The following HMGA2 variants were observed in gnomAD, a reference collection of about 807,000 sequenced individuals.
The protein encoded by HMGA2 is high mobility group AT-hook 2.
A neutral mutation model predicts 19.1 loss-of-function variants in HMGA2; 8 were observed. The observed-to-expected ratio is 0.42, with a 90% CI of 0.25 to 0.76. The LOEUF is 0.76. HMGA2 is among the 30% of genes least tolerant of loss of function. HMGA2 has a pLI of 0.28. For synonymous variants in HMGA2, 60 were observed against 48.8 expected, an observed-to-expected ratio of 1.23 and a Z score of -0.96; for missense variants, 109 against 136.3, an observed-to-expected ratio of 0.80 and a Z score of 1.00.
At chr12:65,927,138 C>T (rs1467254790) in intron 3 of HMGA2, among the ~76,000 whole-genome samples, 1 of 152,212 alleles carries the variant, frequency 6.6e-6, no homozygotes, top group Admixed American at 6.5e-5. Context: ...CATTTTCAAA[C>T]TGAGTTCCAG....
chr12:65,846,147 A>G (rs1871226488), intron 3 of HMGA2, among the ~76,000 whole-genome samples: 1 of 152,254 alleles, frequency 6.6e-6, no homozygotes, highest in South Asian at 2.1e-4. Flanking sequence ...CAGCCATGAC[A>G]CTGAAATTTG....
intron 3 of HMGA2, among the ~76,000 whole-genome samples, chr12:65,885,698 C>G (rs571639427): frequency 6.6e-6 from 1 of 152,150 alleles, no homozygotes; most frequent in Non-Finnish European, 1.5e-5. Context: ...AGCCATTTGC[C>G]TTTGGTAAAA....
chr12:65,924,487 T>C (rs1369636358), intron 3 of HMGA2, among the ~76,000 whole-genome samples: 1 of 151,810 alleles, frequency 6.6e-6, no homozygotes, highest in Non-Finnish European at 1.5e-5. Context: ...ATCCCTGAAG[T>C]CACTCTAAAT....
chr12:65,861,846 CTTTT>C (rs1346372420), intron 3 of HMGA2, among the ~76,000 whole-genome samples: 1 of 134,168 alleles, frequency 7.5e-6, no homozygotes. Flanking sequence ...CAACATGTTT[CTTTT>C]TTTTTTTTTT....
intron 3 of HMGA2, among the ~76,000 whole-genome samples, chr12:65,940,162 C>T (rs902095885): frequency 1.3e-5 from 2 of 151,824 alleles, no homozygotes; most frequent in African/African-American, 2.4e-5. Flanking sequence ...ATATTTTAGC[C>T]TTCATAGCCT....
chr12:65,847,014 A>T (rs1470970007), intron 3 of HMGA2, among the ~76,000 whole-genome samples: 1 of 152,172 alleles, frequency 6.6e-6, no homozygotes, highest in Admixed American at 6.5e-5. Context: ...AATCCTAATG[A>T]CACACTATTT....
intron 3 of HMGA2, among the ~76,000 whole-genome samples, chr12:65,906,483 C>T (rs1874597606): frequency 6.6e-6 from 1 of 152,156 alleles, no homozygotes; most frequent in African/African-American, 2.4e-5. Flanking sequence ...TATTCATGGG[C>T]TCTGTAGCTT....
In HMGA2 at chr12:65,824,792, A is replaced by T. The variant is rs1011719311; in HGVS notation, c.-479A>T. ...CTCGCAGGGTGGGGGGAAGAGGAGG[A>T]GGAATTCTTTCCCCGCCTAACATTT... On this transcript the variant is annotated 5_prime_UTR_variant, in exon 1 of 5. Transcript: ENST00000403681. 3 of 218,986 alleles carry T rather than the reference A, an allele frequency of 1.4e-5. No homozygotes were observed. Among genetic ancestry groups the T allele is most frequent in the African/African-American group, 7.2e-5 (3 of 41,432 alleles). 13.6% of individuals were successfully genotyped at this position (218,986 alleles called of 1,614,324 possible).
At chr12:65,882,099 G>A (rs1261852344) in intron 3 of HMGA2, 2 of 519,668 alleles carry the variant, frequency 3.8e-6, no homozygotes, top group African/African-American at 1.9e-5. Flanking sequence ...GAAACCCCTG[G>A]CGGCTGTACT....
At chr12:65,828,384 G>GGGA in intron 2 of HMGA2, 2 of 219,158 alleles carry the variant, frequency 9.1e-6, no homozygotes, top group South Asian at 1.4e-4. Context: ...GGGGGGGCGG[G>GGGA]ATGAAAATGA....
rs572825810 is a variant in HMGA2 at position 65,888,817 on chromosome 12, C to T, written c.249+50248C>T. On this transcript the variant is annotated intron_variant, in intron 3 of 4. Transcript: ENST00000403681. ...TGACCTCGTGATCCGCCCGCCTCGGCCTTCCAAAGTGCTGGGATTACAGGT... is the reference window on the plus strand; with the variant it reads ...TGACCTCGTGATCCGCCCGCCTCGGTCTTCCAAAGTGCTGGGATTACAGGT... Among the ~76,000 whole-genome samples the T allele has an allele frequency of 2.7e-5, 4 of 150,512 alleles. No homozygotes were observed. The East Asian group carries it at 8.0e-4, about 30-fold the overall frequency.
intron 3 of HMGA2, among the ~76,000 whole-genome samples, chr12:65,944,800 C>T (rs1229090029): frequency 1.3e-5 from 2 of 152,176 alleles, no homozygotes; most frequent in South Asian, 2.1e-4. Context: ...GCTATGAAGA[C>T]GCTCTGCCTC....
chr12:65,943,118 T>C (rs1251861909), intron 3 of HMGA2, among the ~76,000 whole-genome samples: 5 of 152,232 alleles, frequency 3.3e-5, no homozygotes, highest in Non-Finnish European at 7.3e-5. Context: ...TATCTGTTTT[T>C]CATTTGTCTC....
chr12:65,847,082 C>A (rs1871261299), intron 3 of HMGA2, among the ~76,000 whole-genome samples: 1 of 152,052 alleles, frequency 6.6e-6, no homozygotes, highest in Admixed American at 6.6e-5. Flanking sequence ...TACATACATA[C>A]TATATATATA....
chr12:65,899,185 C>A (rs1275280416), intron 3 of HMGA2, among the ~76,000 whole-genome samples: 1 of 151,852 alleles, frequency 6.6e-6, no homozygotes, highest in Non-Finnish European at 1.5e-5. Context: ...GCCTTCTGGT[C>A]AGTTTATAAC....
intron 3 of HMGA2, among the ~76,000 whole-genome samples, chr12:65,936,143 A>G (rs1875885651): frequency 6.6e-6 from 1 of 151,948 alleles, no homozygotes; most frequent in Non-Finnish European, 1.5e-5. Flanking sequence ...CTATTAAGTA[A>G]TGTTGTTCCT....
intron 3 of HMGA2, among the ~76,000 whole-genome samples, chr12:65,850,433 C>T (rs1160941351): frequency 2.0e-5 from 3 of 151,784 alleles, no homozygotes; most frequent in Non-Finnish European, 2.9e-5. Context: ...TATATTATTG[C>T]TTTAATAGAA....
intron 3 of HMGA2, among the ~76,000 whole-genome samples, chr12:65,900,827 G>C (rs904267903): frequency 3.9e-5 from 6 of 152,166 alleles, no homozygotes; most frequent in African/African-American, 1.4e-4. Flanking sequence ...GGAGCCAACT[G>C]TTACATTTTT....
intron 3 of HMGA2, among the ~76,000 whole-genome samples, chr12:65,844,078 T>C (rs1347699805): frequency 1.3e-5 from 2 of 149,264 alleles, no homozygotes; most frequent in African/African-American, 2.5e-5. Context: ...AAGAAATATA[T>C]AACTGCAATG....
Sources: gnomAD v4.1 joint callset for allele counts (sites outside exome capture counted in the v4.1 genomes callset) on GRCh38, gnomAD v4.1.1 for gene constraint, MANE v1.5 for transcripts, NCBI Gene and HGNC (gene_info 2026-07-23, HGNC 2026-07-21) for gene names.